The following ATP2C2 variants were observed in gnomAD, a reference collection of about 807,000 sequenced individuals.
ATP2C2 encodes the protein ATPase secretory pathway Ca2+ transporting 2.
ATP2C2 carries 171 observed loss-of-function variants against 110.8 expected under a neutral mutation model. The observed-to-expected ratio is 1.54, with a 90% CI of 1.36 to 1.75. ATP2C2 has a LOEUF of 1.75. Among genes scored for constraint, ATP2C2 ranks in the 40% most tolerant of loss-of-function variants. The pLI is 0.00. For missense variants in ATP2C2, 1,963 were observed against 1,235.0 expected, an observed-to-expected ratio of 1.59 and a Z score of -8.84; for synonymous variants, 804 against 508.4, an observed-to-expected ratio of 1.58 and a Z score of -7.82.
intron 17 of ATP2C2, among the ~76,000 whole-genome samples, chr16:84,449,398 C>A (rs957639939): frequency 6.6e-6 from 1 of 152,176 alleles, no homozygotes; most frequent in African/African-American, 2.4e-5. Context: ...GGGAGCGTTC[C>A]CCAAAGCATT....
rs376508731 is a variant in ATP2C2 at position 84,450,992 on chromosome 16, G to C, written c.1661-929G>C. On this transcript the variant is annotated intron_variant, in intron 17 of 26. Transcript: ENST00000262429. Reference sequence around the variant, plus strand: ...GCCACTTTTGTTGGGAAGTGGGGTGGGTCTTATACCATGAGTGGTGTATTA... The same window carrying C: ...GCCACTTTTGTTGGGAAGTGGGGTGCGTCTTATACCATGAGTGGTGTATTA... 5.7e-4 allele frequency among the ~76,000 whole-genome samples: 87 copies of C among 152,244 alleles called. No individual in the cohort carries two copies. In the South Asian group the frequency reaches 0.017, roughly 29 times the overall value.
At chr16:84,455,208 T>A (rs769772972) in intron 21 of ATP2C2, among the ~76,000 whole-genome samples, 3 of 152,072 alleles carry the variant, frequency 2.0e-5, no homozygotes, top group Non-Finnish European at 2.9e-5. Context: ...AGTCACATGC[T>A]GCCCCCAGGG....
rs1028051198 is a variant in ATP2C2, at chr16:84,439,191, G to T, written c.1012G>T (p.Gly338Cys). Residue 338 changes from glycine to cysteine, a missense_variant, in exon 12 of 27, where the codon GGT becomes TGT. By Grantham distance (159) the Gly-to-Cys change is radical. Transcript: ENST00000262429. ...CCTGGCTGTGGCGGCCATTCCAGAGGGTCTGCCCATCGTCGTCATGGTGAC... is the reference window on the plus strand; with the variant it reads ...CCTGGCTGTGGCGGCCATTCCAGAGTGTCTGCCCATCGTCGTCATGGTGAC... The part of the protein sequence containing the change: ...VSLAVAAIPE[G>C]LPIVVMVTLV... 1.2e-6 allele frequency: 2 copies of T among 1,612,058 alleles called. No individual in the cohort carries two copies. The highest frequency in any genetic ancestry group is 3.3e-5 in the Admixed American group (2 of 59,996).
At position 84,448,668 on chromosome 16, in the gene ATP2C2, A is replaced by G; in HGVS notation, c.1639A>G (p.Met547Val). 1 of 1,613,508 alleles carries G rather than the reference A, an allele frequency of 6.2e-7. No homozygotes were observed. The highest frequency in any genetic ancestry group is 1.7e-4 in the Middle Eastern group (1 of 6,050). Residue 547 changes from methionine (M) to valine (V), a missense_variant, in exon 17 of 27, where the codon ATG becomes GTG. Transcript: ENST00000262429. ...RSFCLQEEKR[M>V]GSLGLRVLAL... ...ATTCTGCCTGCAGGAAGAGAAGAGG[A>G]TGGGGTCGCTCGGTTTGCGGGGTCA...
intron 3 of ATP2C2, 35 bp from the exon 4 acceptor site, chr16:84,408,370 A>G (rs1414841655): frequency 1.3e-6 from 2 of 1,596,614 alleles, no homozygotes; most frequent in African/African-American, 1.3e-5. Context: ...CCCTGAGACT[A>G]AAGAACGTGC....
chr16:84,370,169 T>G (rs1242257659), intron 1 of ATP2C2, among the ~76,000 whole-genome samples: 1 of 152,142 alleles, frequency 6.6e-6, no homozygotes, highest in Non-Finnish European at 1.5e-5. Context: ...TCAAGGGAGA[T>G]GCTGGGAGAG....
At chr16:84,462,799 G>A (rs1213391754) in intron 26 of ATP2C2, 1 of 152,966 alleles carries the variant, frequency 6.5e-6, no homozygotes, top group Non-Finnish European at 1.5e-5. Flanking sequence ...GGAGGCCAGT[G>A]AGGCAGCCCC....
In ATP2C2 at chr16:84,440,963, G is replaced by C; in HGVS notation, c.1311+5G>C. The stretch of plus-strand genomic sequence containing the variant: ...TCAGTGGGAAAGTTAGTGGAGGTAG[G>C]TGTCAAAAGCGCCATGAGGGAAATA... On this transcript the variant is annotated splice_donor_5th_base_variant and intron_variant, in intron 14 of 26. Transcript: ENST00000262429. The C allele has an allele frequency of 6.2e-7, 1 of 1,605,734 alleles. No individual in the cohort carries two copies. Among genetic ancestry groups the C allele is most frequent in the South Asian group, 1.1e-5 (1 of 89,752 alleles).
At chr16:84,386,936 C>T (rs1344969245) in intron 1 of ATP2C2, among the ~76,000 whole-genome samples, 1 of 152,046 alleles carries the variant, frequency 6.6e-6, no homozygotes, top group Non-Finnish European at 1.5e-5. Flanking sequence ...TGGTCCCTAA[C>T]ATTAAAAAAT....
intron 4 of ATP2C2, among the ~76,000 whole-genome samples, chr16:84,409,863 A>G (rs563926269): frequency 3.2e-4 from 48 of 152,228 alleles, no homozygotes; most frequent in African/African-American, 1.0e-3. Context: ...CCGGTATTTT[A>G]AAATACAAAC....
In ATP2C2 at chr16:84,377,723, C is replaced by A. The variant is rs142345581; in HGVS notation, c.99+9009C>A. Among the ~76,000 whole-genome samples, 878 of 152,094 alleles carry A rather than the reference C, an allele frequency of 5.8e-3. 8 individuals are homozygous for A. The highest frequency in any genetic ancestry group is 0.02 in the African/African-American group (848 of 41,472). On this transcript the variant is annotated intron_variant, in intron 1 of 26. Transcript: ENST00000262429. ...GGGGTGTGGGGTTTAGGGCTTTAGC[C>A]TGGGAATGGTGGGGGGGTTGGACAA...
chr16:84,460,849 A>G (rs2150599730), intron 24 of ATP2C2, 48 bp downstream of exon 24: 2 of 1,564,988 alleles, frequency 1.3e-6, no homozygotes, highest in East Asian at 2.2e-5. Flanking sequence ...GGTGCGGTGC[A>G]GACGCTGGGG....
chr16:84,370,661 A>G (rs917667785), intron 1 of ATP2C2, among the ~76,000 whole-genome samples: 5 of 144,428 alleles, frequency 3.5e-5, no homozygotes, highest in African/African-American at 5.3e-5. Flanking sequence ...CACTTCTACA[A>G]TAGTTGGAAT....
At chr16:84,420,437 G>A (rs55966520) in intron 7 of ATP2C2, among the ~76,000 whole-genome samples, 25,332 of 150,340 alleles carry the variant, frequency 0.17, 2,233 homozygotes, top group South Asian at 0.26. Flanking sequence ...TTTTCTTCCC[G>A]GGGTGGGGGT....
rs547391600 is a variant in ATP2C2 at position 84,450,447 on chromosome 16, G to A, written c.1661-1474G>A. ...CCAGGGGAAGATGAAAAACCCCACG[G>A]AGAGGGAAGGAGAGTTGGGGTGAGG... On this transcript the variant is annotated intron_variant, in intron 17 of 26. Coordinates refer to ENST00000262429, the MANE Select transcript of ATP2C2 (RefSeq NM_014861.4). 3.3e-5 allele frequency among the ~76,000 whole-genome samples: 5 copies of A among 152,272 alleles called. No individual in the cohort carries two copies. The East Asian group carries it at 5.8e-4, about 18-fold the overall frequency.
chr16:84,387,137 C>A (rs757272919), intron 1 of ATP2C2, among the ~76,000 whole-genome samples: 2 of 68,936 alleles, frequency 2.9e-5, no homozygotes, highest in Non-Finnish European at 6.7e-5. Flanking sequence ...ACTGCGATAA[C>A]CCCAGACTGA....
chr16:84,391,883 C>T (rs1904683435), intron 1 of ATP2C2, among the ~76,000 whole-genome samples: 1 of 151,064 alleles, frequency 6.6e-6, no homozygotes, highest in Non-Finnish European at 1.5e-5. Context: ...GACTCCCGTT[C>T]CCTCCCCTCC....
intron 14 of ATP2C2, 45 bp from the exon 15 acceptor site, chr16:84,442,465 A>G (rs374864731): frequency 6.3e-7 from 1 of 1,587,238 alleles, no homozygotes; most frequent in Non-Finnish European, 8.6e-7. Context: ...TAACTTTTTC[A>G]TGAGCCCAGT....
At chr16:84,452,312 T>C (rs564412435) in intron 18 of ATP2C2, among the ~76,000 whole-genome samples, 1 of 152,298 alleles carries the variant, frequency 6.6e-6, no homozygotes, top group African/African-American at 2.4e-5. Context: ...GAAGTTCTCA[T>C]GGATACTGAG....
Sources: gnomAD v4.1 joint callset for allele counts (sites outside exome capture counted in the v4.1 genomes callset) on GRCh38, gnomAD v4.1.1 for gene constraint, MANE v1.5 for transcripts, NCBI Gene and HGNC (gene_info 2026-07-23, HGNC 2026-07-21) for gene names.